The following ALAD variants were observed in gnomAD, a reference collection of about 807,000 sequenced individuals.
The protein encoded by ALAD is delta-aminolevulinic acid dehydratase.
A neutral mutation model predicts 44.4 loss-of-function variants in ALAD; 20 were observed. The observed-to-expected ratio is 0.45, with a 90% confidence interval of 0.32 to 0.65. ALAD has a LOEUF of 0.65. ALAD is among the 30% of genes least tolerant of loss of function. ALAD has a pLI of 0.05. For synonymous variants in ALAD, 156 were observed against 167.9 expected, an observed-to-expected ratio of 0.93 and a Z score of 0.55; for missense variants, 323 against 445.7, an observed-to-expected ratio of 0.72 and a Z score of 2.48.
At position 113,391,607 on chromosome 9, in the gene ALAD, G is replaced by A; in HGVS notation, c.181C>T (p.Leu61=). 1 of 1,614,088 alleles carries A rather than the reference G, an allele frequency of 6.2e-7. No homozygotes were observed. Among genetic ancestry groups the A allele is most frequent in the Non-Finnish European group, 8.5e-7 (1 of 1,179,994 alleles). ...PGVARYGVKR[L]EEMLRPLVEE... is the part of the protein sequence containing the mutation. ...ACCAAGGGCCTCAGCATCTCTTCCAGCCGCTTCACACCATACCTGTGTGGG... is the reference window on the plus strand; with the variant it reads ...ACCAAGGGCCTCAGCATCTCTTCCAACCGCTTCACACCATACCTGTGTGGG... Residue 61 remains leucine, a synonymous_variant, in exon 4 of 12, where the codon CTG becomes TTG. Transcript: ENST00000409155.
intron 4 of ALAD, among the ~76,000 whole-genome samples, 195 bp from the exon 5 acceptor site, chr9:113,391,128 C>T: frequency 6.6e-6 from 1 of 152,178 alleles, no homozygotes; most frequent in East Asian, 1.9e-4. Flanking sequence ...ACCTGTGGCC[C>T]CAGGGCCAGC....
At position 113,390,422 on chromosome 9, in the gene ALAD, G is replaced by C; in HGVS notation, c.553C>G (p.His185Asp). The change falls in exon 7 of 12, where the codon CAT (histidine) becomes GAT (aspartate). Residue 185 changes from histidine (H) to aspartate (D), a missense_variant. Transcript: ENST00000409155. ...VEAIKEALMA[H>D]GLGNRVSVMS... ...GCCCTTACCCTGTTGCCAAGTCCATGTGCCATCAGGGCCTCTTTGATGGCT... is the reference window on the plus strand; with the variant it reads ...GCCCTTACCCTGTTGCCAAGTCCATCTGCCATCAGGGCCTCTTTGATGGCT... The C allele has an allele frequency of 1.2e-6, 2 of 1,614,084 alleles. No homozygotes were observed. The highest frequency in any genetic ancestry group is 1.7e-6 in the Non-Finnish European group (2 of 1,180,008).
chr9:113,393,299 A>G, intron 2 of ALAD, 148 bp downstream of exon 2: 1 of 720,116 alleles, frequency 1.4e-6, no homozygotes, highest in African/African-American at 1.7e-5. Flanking sequence ...CCTTAATCCA[A>G]GTAGCCTGCT....
At chr9:113,388,529 C>A (rs1827473083) in intron 11 of ALAD, among the ~76,000 whole-genome samples, 168 bp from the exon 12 acceptor site, 2 of 152,172 alleles carry the variant, frequency 1.3e-5, no homozygotes, top group Non-Finnish European at 1.5e-5. Context: ...ATTTCTTGGG[C>A]AAGTCATTTC....
rs1443771159 is a variant in ALAD at position 113,388,171 on chromosome 9, C to G, written c.*129G>C. The G allele has an allele frequency of 9.9e-7, 1 of 1,006,692 alleles. No homozygotes were observed. Among genetic ancestry groups the G allele is most frequent in the African/African-American group, 1.6e-5 (1 of 62,938 alleles). 62.4% of individuals were successfully genotyped at this position (1,006,692 alleles called of 1,614,324 possible). ...CAAAACCACCCAGGGCTGCTGGGCC[C>G]CGCTAGCATGTGAGCAGGAAGAGGG... is the stretch of plus-strand genomic sequence containing the variant. On this transcript the variant is annotated 3_prime_UTR_variant, in exon 12 of 12. Transcript: ENST00000409155.
At chr9:113,400,369 G>T (rs1316560547) in intron 1 of ALAD, among the ~76,000 whole-genome samples, 3 of 152,198 alleles carry the variant, frequency 2.0e-5, no homozygotes, top group African/African-American at 7.2e-5. Context: ...CAGACTCTGG[G>T]CCTGGCTGCT....
chr9:113,393,407 A>ACCCCCACCCC, intron 2 of ALAD, 40 bp downstream of exon 2: 1 of 1,551,294 alleles, frequency 6.4e-7, no homozygotes, highest in Non-Finnish European at 8.9e-7. Context: ...CCCAACCCCA[A>ACCCCCACCCC]CCAGCAGAGC....
chr9:113,390,922 AC>A lies in ALAD; in HGVS notation c.272del (p.Gly91ValfsTer18), dbSNP rs778949738. 1 of 1,613,938 alleles carries A rather than the reference AC, an allele frequency of 6.2e-7. No individual in the cohort carries two copies. Among genetic ancestry groups the A allele is most frequent in the South Asian group, 1.1e-5 (1 of 91,080 alleles). On this transcript the variant is annotated frameshift_variant, in exon 5 of 12. Coordinates refer to ENST00000409155, the MANE Select transcript of ALAD (RefSeq NM_000031.6). LOFTEE classifies it high-confidence loss of function. ...VPSRVPKDER[G>X]SAADSEESPA... ...GGGACTCCTCGGAGTCAGCTGCGGA[AC>A]CCCGCTCGTCCTAGGGGCAGGGGAG... is the stretch of plus-strand genomic sequence containing the variant.
chr9:113,392,245 G>T, intron 2 of ALAD, 76 bp from the exon 3 acceptor site: 1 of 1,609,816 alleles, frequency 6.2e-7, no homozygotes, highest in Non-Finnish European at 8.5e-7. Flanking sequence ...GAGAGGGATG[G>T]TTGGGAAGCA....
At chr9:113,390,269 G>A (rs1827531731) in intron 7 of ALAD, 136 bp downstream of exon 7, 1 of 890,060 alleles carries the variant, frequency 1.1e-6, no homozygotes, top group Non-Finnish European at 1.8e-6. Flanking sequence ...TGATCTACCT[G>A]CCTCAGCCTC....
In ALAD at chr9:113,391,603, T is replaced by G; in HGVS notation, c.185A>C (p.Glu62Ala). The G allele has an allele frequency of 6.2e-7, 1 of 1,613,926 alleles. No individual in the cohort carries two copies. Among genetic ancestry groups the G allele is most frequent in the Non-Finnish European group, 8.5e-7 (1 of 1,179,982 alleles). ...TTCCACCAAGGGCCTCAGCATCTCTTCCAGCCGCTTCACACCATACCTGTG... is the reference window on the plus strand; with the variant it reads ...TTCCACCAAGGGCCTCAGCATCTCTGCCAGCCGCTTCACACCATACCTGTG... ...GVARYGVKRLEEMLRPLVEEG... is the reference protein window; with the variant it reads ...GVARYGVKRLAEMLRPLVEEG... Residue 62 changes from glutamate to alanine, a missense_variant, in exon 4 of 12, where the codon GAA (glutamate) becomes GCA (alanine). Glu to Ala is a moderately radical substitution (Grantham distance 107). Coordinates refer to ENST00000409155, the MANE Select transcript of ALAD (RefSeq NM_000031.6).
chr9:113,390,166 C>T (rs919070601), intron 7 of ALAD, among the ~76,000 whole-genome samples: 23 of 152,074 alleles, frequency 1.5e-4, no homozygotes, highest in African/African-American at 2.4e-4. Flanking sequence ...GGATTACAGG[C>T]GCCTGCCACC....
At chr9:113,400,076 T>C (rs1827818295) in intron 1 of ALAD, among the ~76,000 whole-genome samples, 1 of 152,126 alleles carries the variant, frequency 6.6e-6, no homozygotes, top group Admixed American at 6.5e-5. Flanking sequence ...GCCTCTGGGG[T>C]TAGCCATTTA....
At chr9:113,395,759 T>C (rs533451034) in intron 1 of ALAD, among the ~76,000 whole-genome samples, 2 of 152,056 alleles carry the variant, frequency 1.3e-5, no homozygotes, top group Admixed American at 6.6e-5. Flanking sequence ...AGAAGAGGCA[T>C]ATTAGAAGAA....
rs1052873966 is a variant in ALAD at position 113,390,311 on chromosome 9, C to G, written c.570+94G>C. 19 of 1,344,958 alleles carry G rather than the reference C, an allele frequency of 1.4e-5. No individual in the cohort carries two copies. In the African/African-American group the frequency reaches 2.7e-4, roughly 19 times the overall value. The allele number at this position is 1,344,958 out of a possible 1,614,324, so 83.3% of individuals were successfully genotyped here. A position where few individuals can be genotyped will look rare whatever the true frequency, so the allele number is the denominator to read the frequency against. On this transcript the variant is annotated intron_variant, in intron 7 of 11. Transcript: ENST00000409155. ...TGCTGGGACTACAGGTGTGAGCCAACACGCCCGGCAGTTCTGTGATTCTTA... is the reference window on the plus strand; with the variant it reads ...TGCTGGGACTACAGGTGTGAGCCAAGACGCCCGGCAGTTCTGTGATTCTTA...
intron 3 of ALAD, 98 bp downstream of exon 3, chr9:113,392,021 A>T (rs772882156): frequency 3.7e-5 from 45 of 1,215,176 alleles, no homozygotes; most frequent in Non-Finnish European, 5.1e-5. Flanking sequence ...GTCTGTCCGC[A>T]TCTTCTACTT....
chr9:113,399,096 G>C (rs1210106982), intron 1 of ALAD, among the ~76,000 whole-genome samples: 1 of 152,228 alleles, frequency 6.6e-6, no homozygotes, highest in Non-Finnish European at 1.5e-5. Flanking sequence ...GCAGAGTATA[G>C]GGCGGTGCAG....
At chr9:113,391,760 G>T in intron 3 of ALAD, 137 bp from the exon 4 acceptor site, 1 of 742,718 alleles carries the variant, frequency 1.3e-6, no homozygotes. Flanking sequence ...CAGGACAGAA[G>T]GGGCAGGGAT....
At chr9:113,389,958 G>GAAATCAAGCCCAGCA in intron 7 of ALAD, 130 bp from the exon 8 acceptor site, 1 of 1,148,374 alleles carries the variant, frequency 8.7e-7, no homozygotes, top group Non-Finnish European at 1.3e-6. Context: ...GGAGTGCTGG[G>GAAATCAAGCCCAGCA]CTTGATTTCC....
Sources: allele counts gnomAD v4.1 joint callset (sites outside exome capture counted in the v4.1 genomes callset), GRCh38; gene constraint gnomAD v4.1.1; transcripts MANE v1.5; gene names NCBI Gene and HGNC (gene_info 2026-07-23, HGNC 2026-07-21).